The following LRRTM4 variants were observed in gnomAD, a reference collection of about 807,000 sequenced individuals.
LRRTM4 encodes the protein leucine-rich repeat transmembrane neuronal protein 4.
LRRTM4 carries 25 observed loss-of-function variants against 47.6 expected under a neutral mutation model. The ratio of observed to expected loss-of-function variants is 0.53; its 90% CI spans 0.38 to 0.73. The LOEUF is 0.73. Among genes scored for constraint, LRRTM4 ranks in the 30% least tolerant of loss-of-function variants. LRRTM4 has a pLI of 0.00. For synonymous variants in LRRTM4, 311 were observed against 269.5 expected, an observed-to-expected ratio of 1.15 and a Z score of -1.51; for missense variants, 638 against 713.4, an observed-to-expected ratio of 0.89 and a Z score of 1.20.
At chr2:77,031,698 C>A (rs1220813240) in intron 3 of LRRTM4, among the ~76,000 whole-genome samples, 3 of 151,312 alleles carry the variant, frequency 2.0e-5, no homozygotes, top group Non-Finnish European at 4.4e-5. Flanking sequence ...CGTCTCCAGT[C>A]AATAATGAAC....
intron 3 of LRRTM4, among the ~76,000 whole-genome samples, chr2:77,482,412 C>G (rs377289238): frequency 4.8e-5 from 7 of 147,086 alleles, no homozygotes; most frequent in African/African-American, 1.5e-4. Flanking sequence ...GCATTTTGAA[C>G]ACAAAAACAT....
At chr2:76,763,708 A>C (rs2104089963) in intron 3 of LRRTM4, among the ~76,000 whole-genome samples, 1 of 152,324 alleles carries the variant, frequency 6.6e-6, no homozygotes, top group Non-Finnish European at 1.5e-5. Flanking sequence ...AGAGGCCAGA[A>C]GAGTTTAGAG....
At chr2:76,917,775 T>C (rs952759022) in intron 3 of LRRTM4, among the ~76,000 whole-genome samples, 7 of 152,158 alleles carry the variant, frequency 4.6e-5, no homozygotes, top group African/African-American at 1.4e-4. Context: ...CTTTTGTCCC[T>C]GATACAAGTA....
chr2:77,227,529 A>AT (rs200970085), intron 3 of LRRTM4, among the ~76,000 whole-genome samples: 25 of 151,890 alleles, frequency 1.6e-4, no homozygotes, highest in South Asian at 1.5e-3. Flanking sequence ...GTTTGGTTGT[A>AT]TTTTTTTTCA....
At position 77,096,367 on chromosome 2, in the gene LRRTM4, C is replaced by A. The variant is rs571771116; in HGVS notation, c.1552-347451G>T. Among the ~76,000 whole-genome samples the A allele has an allele frequency of 1.0e-3, 153 of 151,438 alleles. 2 individuals carry two copies. The highest frequency in any genetic ancestry group is 3.3e-3 in the African/African-American group (136 of 41,422). ...GATATATTCAAACAAAAGGAGCTTA[C>A]TACTAATAAATTTTCAGTAAAGGAT... is the stretch of plus-strand genomic sequence containing the variant. On this transcript the variant is annotated intron_variant, in intron 3 of 3. Coordinates refer to ENST00000409884, the MANE Select transcript of LRRTM4 (RefSeq NM_001134745.3).
At chr2:76,877,052 G>C (rs1672798614) in intron 3 of LRRTM4, among the ~76,000 whole-genome samples, 1 of 152,038 alleles carries the variant, frequency 6.6e-6, no homozygotes, top group African/African-American at 2.4e-5. Context: ...TTCTCATCTA[G>C]AATTTATTAG....
chr2:76,848,976 A>G (rs921154394), intron 3 of LRRTM4, among the ~76,000 whole-genome samples: 1 of 152,132 alleles, frequency 6.6e-6, no homozygotes, highest in African/African-American at 2.4e-5. Context: ...GTGACAGGTC[A>G]CACAGGCCAT....
chr2:77,073,929 T>C (rs1447545117), intron 3 of LRRTM4, among the ~76,000 whole-genome samples: 2 of 152,130 alleles, frequency 1.3e-5, no homozygotes, highest in Non-Finnish European at 2.9e-5. Flanking sequence ...TTTTATTTAA[T>C]AAATTTAATT....
At chr2:77,003,851 T>G (rs1677531443) in intron 3 of LRRTM4, among the ~76,000 whole-genome samples, 1 of 152,116 alleles carries the variant, frequency 6.6e-6, no homozygotes, top group South Asian at 2.1e-4. Context: ...CTTAGAGACT[T>G]GTTGAATGGT....
At chr2:76,796,298 A>T (rs796835947) in intron 3 of LRRTM4, among the ~76,000 whole-genome samples, 1 of 114,220 alleles carries the variant, frequency 8.8e-6, no homozygotes. Flanking sequence ...GGAAGCTCCA[A>T]CTGGGTGGAG....
At chr2:76,796,779 T>C (rs1311317377) in intron 3 of LRRTM4, among the ~76,000 whole-genome samples, 2 of 151,938 alleles carry the variant, frequency 1.3e-5, no homozygotes, top group Non-Finnish European at 2.9e-5. Flanking sequence ...GGAACGCAGT[T>C]CCTCACCATC....
chr2:77,404,832 A>G (rs539023721), intron 3 of LRRTM4, among the ~76,000 whole-genome samples: 1 of 152,106 alleles, frequency 6.6e-6, no homozygotes, highest in Admixed American at 6.6e-5. Flanking sequence ...AAAAATGGCC[A>G]CAGGGAACTT....
chr2:77,244,898 G>A (rs1675388782), intron 3 of LRRTM4, among the ~76,000 whole-genome samples: 1 of 152,128 alleles, frequency 6.6e-6, no homozygotes. Context: ...ATCCGTGTAA[G>A]TAACTTTGAA....
intron 3 of LRRTM4, among the ~76,000 whole-genome samples, chr2:77,228,917 A>G (rs913379024): frequency 2.0e-5 from 3 of 152,040 alleles, no homozygotes; most frequent in African/African-American, 7.2e-5. Context: ...AAACCAGGAG[A>G]ATTAGTAGAT....
chr2:77,256,303 C>T lies in LRRTM4; in HGVS notation c.1551+262015G>A, dbSNP rs1281586015. Among the ~76,000 whole-genome samples the T allele has an allele frequency of 2.6e-5, 4 of 152,052 alleles. No individual in the cohort carries two copies. In the South Asian group the frequency reaches 6.2e-4, roughly 24 times the overall value. On this transcript the variant is annotated intron_variant, in intron 3 of 3. Coordinates refer to ENST00000409884, the MANE Select transcript of LRRTM4 (RefSeq NM_001134745.3). ...AAATACTAAAAAATAAATCTCCAGT[C>T]TAGAATGGTGTCGTTGGTAAACTAT...
At chr2:77,216,736 C>T (rs899298635) in intron 3 of LRRTM4, among the ~76,000 whole-genome samples, 6 of 151,772 alleles carry the variant, frequency 4.0e-5, no homozygotes, top group African/African-American at 9.7e-5. Context: ...GAGCATATTT[C>T]GGCGGCTTTC....
intron 3 of LRRTM4, among the ~76,000 whole-genome samples, chr2:77,360,327 G>A: frequency 6.6e-6 from 1 of 152,004 alleles, no homozygotes; most frequent in African/African-American, 2.4e-5. Context: ...CGTGGTGGCA[G>A]GTGCCTGTTG....
At chr2:77,477,881 GAGAAAGAAAGAAAA>G (rs1677473647) in intron 3 of LRRTM4, among the ~76,000 whole-genome samples, 9 of 97,894 alleles carry the variant, frequency 9.2e-5, no homozygotes, top group African/African-American at 3.6e-4. Flanking sequence ...AAGAAAGAAA[GAGAAAGAAAGAAAA>G]AGAAAGAAAA....
At chr2:76,809,418 C>A (rs1573148720) in intron 3 of LRRTM4, among the ~76,000 whole-genome samples, 1 of 152,124 alleles carries the variant, frequency 6.6e-6, no homozygotes, top group African/African-American at 2.4e-5. Context: ...GTGCTCAGGA[C>A]TAAAACCATG....
Sources: allele counts gnomAD v4.1 joint callset (sites outside exome capture counted in the v4.1 genomes callset), GRCh38; gene constraint gnomAD v4.1.1; transcripts MANE v1.5; gene names NCBI Gene and HGNC (gene_info 2026-07-23, HGNC 2026-07-21).